Variants in RGS22 observed in about 807,000 individuals in gnomAD.
RGS22 encodes regulator of G protein signaling 22, also known as regulator of G-protein signaling 22.
In RGS22, 148 loss-of-function variants were observed where a neutral mutation model predicts 172.9. That is an observed-to-expected ratio of 0.86 (90% CI 0.75 to 0.98). The LOEUF (loss-of-function observed/expected upper bound fraction) is 0.98, where lower values mean the gene tolerates loss of function less well. RGS22 is among the 50% of genes least tolerant of loss of function. RGS22 has a pLI of 0.00. For missense variants in RGS22, 1,347 were observed against 1,440.8 expected (o/e 0.93, Z 1.05); for synonymous variants, 458 against 480.2 (o/e 0.95, Z 0.60).
At chr8:100,093,915 T>C (rs1812774715) in intron 2 of RGS22, among the ~76,000 whole-genome samples, 1 of 152,234 alleles carries the variant, frequency 6.6e-6, no homozygotes, top group Non-Finnish European at 1.5e-5. Context: ...AAGCAGTGTT[T>C]GGAGCCCAAA....
chr8:100,080,202 C>T lies in RGS22; in HGVS notation c.271G>A (p.Glu91Lys), dbSNP rs1190038425. 1.2e-6 allele frequency: 2 copies of T among 1,613,840 alleles called. No individual in the cohort carries two copies. The highest frequency in any genetic ancestry group is 1.7e-6 in the Non-Finnish European group (2 of 1,179,770). ...GCATTCATTTGAACAGGTTTAACCT[C>T]ATTCTTTCCTTTCCTTACAACATCA... ...IYDVVRKGKN[E>K]VKPVQMNAPD... Residue 91 changes from glutamate (E) to lysine (K), a missense_variant, in exon 4 of 28, where the codon GAG (glutamate) becomes AAG (lysine). By Grantham distance (56) the Glu-to-Lys change is moderately conservative. Coordinates refer to ENST00000360863, the MANE Select transcript of RGS22 (RefSeq NM_015668.5).
At chr8:100,101,360 C>T (rs1052770427) in intron 2 of RGS22, among the ~76,000 whole-genome samples, 2 of 150,052 alleles carry the variant, frequency 1.3e-5, no homozygotes, top group African/African-American at 4.9e-5. Context: ...GATCTCAGCT[C>T]GCTGCAACCT....
At chr8:100,079,400 T>C (rs1304490036) in intron 4 of RGS22, among the ~76,000 whole-genome samples, 6 of 152,208 alleles carry the variant, frequency 3.9e-5, no homozygotes, top group Admixed American at 2.0e-4. Flanking sequence ...TAGATACTAT[T>C]TGAATTCAGT....
At chr8:100,086,328 A>G (rs956738397) in intron 3 of RGS22, among the ~76,000 whole-genome samples, 5 of 152,186 alleles carry the variant, frequency 3.3e-5, no homozygotes, top group Admixed American at 2.6e-4. Context: ...ACCTACTATC[A>G]TATGCTGTAA....
chr8:100,038,585 A>G (rs1277757605), intron 14 of RGS22: 4 of 174,882 alleles, frequency 2.3e-5, no homozygotes, highest in African/African-American at 9.5e-5. Context: ...CCATCACTTC[A>G]ATGATTCATT....
chr8:99,963,696 G>A (rs1810437549), intron 24 of RGS22, among the ~76,000 whole-genome samples: 1 of 152,114 alleles, frequency 6.6e-6, no homozygotes, highest in African/African-American at 2.4e-5. Context: ...GTATACTTAG[G>A]TAATATATGT....
intron 10 of RGS22, chr8:100,050,972 A>G (rs1035402313): frequency 6.6e-5 from 10 of 152,210 alleles, no homozygotes; most frequent in African/African-American, 2.4e-4. Context: ...GGTAATAAAT[A>G]TAGTAAAGCA....
chr8:100,012,066 G>A (rs1380873174), intron 14 of RGS22, among the ~76,000 whole-genome samples: 1 of 151,706 alleles, frequency 6.6e-6, no homozygotes, highest in Non-Finnish European at 1.5e-5. Flanking sequence ...CTTAAAGACA[G>A]GAGACAGCAA....
intron 23 of RGS22, among the ~76,000 whole-genome samples, chr8:99,966,986 C>T (rs372299966): frequency 1.3e-5 from 2 of 152,196 alleles, no homozygotes; most frequent in African/African-American, 4.8e-5. Context: ...AAGACCAACA[C>T]AGAAGGAGGG....
chr8:99,965,514 A>G (rs1431337550), intron 23 of RGS22, 84 bp from the exon 24 acceptor site: 13 of 950,774 alleles, frequency 1.4e-5, no homozygotes, highest in Non-Finnish European at 2.1e-5. Flanking sequence ...TTATAACATC[A>G]TATGACATAA....
intron 6 of RGS22, 47 bp from the exon 7 acceptor site, chr8:100,066,343 A>G: frequency 6.7e-7 from 1 of 1,497,734 alleles, no homozygotes; most frequent in Non-Finnish European, 9.2e-7. Context: ...TAGCAGTATT[A>G]CTCTGATCAC....
At chr8:100,016,694 G>A (rs1209869820) in intron 14 of RGS22, among the ~76,000 whole-genome samples, 3 of 152,106 alleles carry the variant, frequency 2.0e-5, no homozygotes, top group Non-Finnish European at 4.4e-5. Flanking sequence ...GGAGAATGGC[G>A]TGAACCCGGG....
At chr8:100,007,699 T>A (rs1815872856) in intron 15 of RGS22, among the ~76,000 whole-genome samples, 1 of 152,050 alleles carries the variant, frequency 6.6e-6, no homozygotes, top group East Asian at 1.9e-4. Flanking sequence ...AAACTCAGAT[T>A]TCTCTACTCT....
chr8:100,099,550 G>A (rs1018854518), intron 2 of RGS22, among the ~76,000 whole-genome samples: 8 of 152,028 alleles, frequency 5.3e-5, no homozygotes, highest in African/African-American at 1.9e-4. Context: ...GCTACTTTGG[G>A]GACTAATGAC....
At chr8:99,990,378 T>C (rs1339084306) in intron 20 of RGS22, among the ~76,000 whole-genome samples, 4 of 152,002 alleles carry the variant, frequency 2.6e-5, no homozygotes, top group Non-Finnish European at 5.9e-5. Flanking sequence ...TTCCCATTTC[T>C]TCCCCCTGCC....
intron 4 of RGS22, among the ~76,000 whole-genome samples, chr8:100,072,778 A>G (rs887661231): frequency 6.6e-6 from 1 of 151,760 alleles, no homozygotes; most frequent in Non-Finnish European, 1.5e-5. Flanking sequence ...GGGAGCCTAC[A>G]GAGACACTCA....
chr8:100,042,249 T>G (rs1763861299), intron 11 of RGS22, among the ~76,000 whole-genome samples: 1 of 152,154 alleles, frequency 6.6e-6, no homozygotes, highest in African/African-American at 2.4e-5. Flanking sequence ...AATTTTAAAA[T>G]AAAATATTTA....
intron 11 of RGS22, among the ~76,000 whole-genome samples, chr8:100,045,917 G>C (rs967089313): frequency 6.6e-6 from 1 of 151,404 alleles, no homozygotes; most frequent in Non-Finnish European, 1.5e-5. Flanking sequence ...GTTTGTAACA[G>C]AAAAAAATAG....
At chr8:99,980,030 T>A (rs1044083934) in intron 22 of RGS22, among the ~76,000 whole-genome samples, 1 of 152,316 alleles carries the variant, frequency 6.6e-6, no homozygotes, top group East Asian at 1.9e-4. Flanking sequence ...GTAAAAGATG[T>A]AGCTAGAGAG....
Sources: allele counts gnomAD v4.1 joint callset (sites outside exome capture counted in the v4.1 genomes callset), GRCh38; gene constraint gnomAD v4.1.1; transcripts MANE v1.5; gene names NCBI Gene and HGNC (gene_info 2026-07-23, HGNC 2026-07-21).